Variants in RBM47 observed in about 807,000 individuals in gnomAD.
RBM47 encodes RNA binding motif protein 47.
Under a neutral mutation model 47.1 loss-of-function variants are expected in RBM47, and 21 were observed. That is an observed-to-expected ratio of 0.45 (90% CI 0.32 to 0.64). RBM47 has a LOEUF of 0.64. RBM47 is among the 30% of genes least tolerant of loss of function. The pLI, the probability that RBM47 is intolerant of heterozygous loss-of-function variation, is 0.05. For synonymous variants in RBM47, 375 were observed against 361.7 expected (o/e 1.04, Z -0.42); for missense variants, 708 against 870.9 (o/e 0.81, Z 2.35).
chr4:40,499,474 C>A (rs56773810), intron 2 of RBM47, among the ~76,000 whole-genome samples: 23,125 of 152,146 alleles, frequency 0.15, 1,774 homozygotes, highest in East Asian at 0.19. Context: ...CAATGGCACG[C>A]TCTCAGCTCA....
intron 2 of RBM47, among the ~76,000 whole-genome samples, chr4:40,480,459 C>T (rs1474433901): frequency 6.6e-6 from 1 of 152,158 alleles, no homozygotes; most frequent in Non-Finnish European, 1.5e-5. Context: ...TACCTCTCTA[C>T]CTACCTACCC....
intron 2 of RBM47, among the ~76,000 whole-genome samples, chr4:40,532,309 AT>A (rs34850081): frequency 0.032 from 2,118 of 65,822 alleles, 32 homozygotes; most frequent in African/African-American, 0.1. Context: ...CACGCCCGGC[AT>A]TTTTTTTTTT....
intron 1 of RBM47, among the ~76,000 whole-genome samples, chr4:40,590,847 C>T (rs528786231): frequency 8.8e-4 from 134 of 152,290 alleles, no homozygotes; most frequent in African/African-American, 3.1e-3. Flanking sequence ...CTGTCACCCA[C>T]GCTGGAGTGC....
At chr4:40,614,655 G>A (rs923671767) in intron 1 of RBM47, among the ~76,000 whole-genome samples, 3 of 150,702 alleles carry the variant, frequency 2.0e-5, no homozygotes, top group Non-Finnish European at 3.0e-5. Flanking sequence ...GCAAAAGAAT[G>A]AGACCCCCAT....
chr4:40,551,627 G>T (rs999800183), intron 1 of RBM47, among the ~76,000 whole-genome samples: 3 of 150,918 alleles, frequency 2.0e-5, no homozygotes, highest in African/African-American at 7.3e-5. Context: ...GGGAGGGAGG[G>T]AGAATCAAAT....
At chr4:40,506,769 T>C (rs927466281) in intron 2 of RBM47, among the ~76,000 whole-genome samples, 2 of 152,212 alleles carry the variant, frequency 1.3e-5, no homozygotes, top group African/African-American at 4.8e-5. Context: ...CTTTGCTCTT[T>C]ATTGGAGGAA....
intron 2 of RBM47, among the ~76,000 whole-genome samples, chr4:40,467,439 A>T (rs2154233955): frequency 6.6e-6 from 1 of 151,986 alleles, no homozygotes; most frequent in East Asian, 1.9e-4. Context: ...ACAGGTGCCC[A>T]CCACCACGCC....
chr4:40,629,258 G>C (rs1179884059), intron 1 of RBM47, 138 bp downstream of exon 1: 1 of 152,082 alleles, frequency 6.6e-6, no homozygotes, highest in Admixed American at 6.6e-5. Context: ...AATATACCAA[G>C]AGACAGAAGA....
chr4:40,593,526 G>A (rs28465356), intron 1 of RBM47, among the ~76,000 whole-genome samples: 12,908 of 151,884 alleles, frequency 0.085, 1,815 homozygotes, highest in African/African-American at 0.29. Flanking sequence ...ACCTGAGGTC[G>A]GAAGTTAAAG....
intron 3 of RBM47, among the ~76,000 whole-genome samples, chr4:40,464,891 A>G (rs1466108518): frequency 8.4e-4 from 35 of 41,894 alleles, no homozygotes; most frequent in Non-Finnish European, 1.3e-3. Context: ...ACTCTGTCTC[A>G]AAAAAAAAAA....
intron 4 of RBM47, among the ~76,000 whole-genome samples, chr4:40,437,090 A>AAAAAAAAAAATATATATATAT (rs1256296949): frequency 4.0e-5 from 2 of 49,850 alleles, no homozygotes; most frequent in African/African-American, 2.2e-4. Context: ...AAAAAAAAAA[A>AAAAAAAAAAATATATATATAT]ATATATATAT....
At chr4:40,482,827 A>G (rs1314406277) in intron 2 of RBM47, among the ~76,000 whole-genome samples, 2 of 152,200 alleles carry the variant, frequency 1.3e-5, no homozygotes, top group African/African-American at 4.8e-5. Context: ...AAAATCTTTG[A>G]AAATTTTTCT....
At chr4:40,514,854 T>C (rs546104763) in intron 2 of RBM47, 1 of 152,292 alleles carries the variant, frequency 6.6e-6, no homozygotes, top group South Asian at 2.1e-4. Context: ...GTTAGAGCGA[T>C]TTTTTTAAAG....
chr4:40,609,739 T>C (rs1165537384), intron 1 of RBM47, among the ~76,000 whole-genome samples: 3 of 152,128 alleles, frequency 2.0e-5, no homozygotes, highest in Admixed American at 6.6e-5. Flanking sequence ...TCTCTCTAGG[T>C]TCCGGAATCC....
At chr4:40,482,915 A>T (rs1720611245) in intron 2 of RBM47, among the ~76,000 whole-genome samples, 1 of 152,220 alleles carries the variant, frequency 6.6e-6, no homozygotes, top group Admixed American at 6.5e-5. Context: ...TTGAAAAGGG[A>T]GCTCTTATTT....
intron 1 of RBM47, among the ~76,000 whole-genome samples, chr4:40,577,339 C>T (rs1355768268): frequency 2.0e-5 from 3 of 152,132 alleles, no homozygotes; most frequent in African/African-American, 7.2e-5. Flanking sequence ...GGGACTTCCT[C>T]AAACTGGGAA....
intron 2 of RBM47, among the ~76,000 whole-genome samples, chr4:40,470,607 A>G (rs1383690401): frequency 6.6e-6 from 1 of 150,916 alleles, no homozygotes; most frequent in Non-Finnish European, 1.5e-5. Context: ...ATTTTTCGGA[A>G]AAAGATGCTC....
chr4:40,581,245 G>C (rs1036050391), intron 1 of RBM47, among the ~76,000 whole-genome samples: 1 of 151,892 alleles, frequency 6.6e-6, no homozygotes, highest in African/African-American at 2.4e-5. Context: ...AATATAGTGA[G>C]ACCTCATCTC....
chr4:40,437,935 T>C lies in RBM47; in HGVS notation c.959A>G (p.Asp320Gly). 2 of 1,613,736 alleles carry C rather than the reference T, an allele frequency of 1.2e-6. No individual in the cohort carries two copies. The highest frequency in any genetic ancestry group is 1.7e-6 in the Non-Finnish European group (2 of 1,180,008). Residue 320 changes from aspartate to glycine, a missense_variant, in exon 4 of 7, where the codon GAC becomes GGC. Transcript: ENST00000295971. ...CTGGTAGCGCGAGTACTGCTCCTTG[T>C]CCACGGGCTTGGCCAGCGTGACCTC... Reference protein sequence around the residue: ...CLEVTLAKPVDKEQYSRYQKA... With the variant: ...CLEVTLAKPVGKEQYSRYQKA...
Sources: gnomAD v4.1 joint callset for allele counts (sites outside exome capture counted in the v4.1 genomes callset) on GRCh38, gnomAD v4.1.1 for gene constraint, MANE v1.5 for transcripts, NCBI Gene and HGNC (gene_info 2026-07-23, HGNC 2026-07-21) for gene names.